The following NFIA variants were observed in gnomAD, a reference collection of about 807,000 sequenced individuals.
NFIA encodes the protein nuclear factor 1 A-type.
In NFIA, 8 loss-of-function variants were observed where a neutral mutation model predicts 62.8. The observed-to-expected ratio is 0.13, with a 90% CI of 0.07 to 0.23. The LOEUF is 0.23. Among genes scored for constraint, NFIA ranks in the 10% least tolerant of loss-of-function variants. The pLI, the probability that NFIA is intolerant of heterozygous loss-of-function variation, is 1.00. For missense variants in NFIA, 410 were observed against 642.1 expected (o/e 0.64, Z 3.91); for synonymous variants, 235 against 238.1 (o/e 0.99, Z 0.12).
chr1:61,355,453 C>T (rs1662888333), intron 5 of NFIA, among the ~76,000 whole-genome samples: 1 of 152,142 alleles, frequency 6.6e-6, no homozygotes, highest in African/African-American at 2.4e-5. Context: ...TTCCAAAAAA[C>T]TTTATCAAGA....
chr1:61,351,955 G>C (rs566291656), intron 4 of NFIA, among the ~76,000 whole-genome samples: 16 of 152,344 alleles, frequency 1.1e-4, no homozygotes, highest in Admixed American at 9.8e-4. Flanking sequence ...ATGCAAGATG[G>C]AGAGGTGATT....
chr1:61,091,895 T>A (rs1646327331), intron 2 of NFIA, among the ~76,000 whole-genome samples: 1 of 151,730 alleles, frequency 6.6e-6, no homozygotes, highest in Non-Finnish European at 1.5e-5. Flanking sequence ...GGTAATGTAA[T>A]CAGATTCTAG....
intron 2 of NFIA, among the ~76,000 whole-genome samples, chr1:61,263,989 TA>T (rs967219360): frequency 1.4e-3 from 201 of 143,868 alleles, no homozygotes; most frequent in East Asian, 0.01. Flanking sequence ...GACTCTGACT[TA>T]AAAAAAAAAA....
intron 3 of NFIA, among the ~76,000 whole-genome samples, chr1:61,306,029 TTTA>T: frequency 6.7e-6 from 1 of 150,264 alleles, no homozygotes; most frequent in Non-Finnish European, 1.5e-5. Flanking sequence ...TGTTGTATTT[TTTA>T]TTAGAGACAG....
chr1:61,231,673 TAGC>T (rs1654676954), intron 2 of NFIA, among the ~76,000 whole-genome samples: 1 of 152,120 alleles, frequency 6.6e-6, no homozygotes, highest in Non-Finnish European at 1.5e-5. Flanking sequence ...AGATTAAAAA[TAGC>T]AGTCTAAGCT....
At chr1:61,182,283 T>C (rs1650809195) in intron 2 of NFIA, among the ~76,000 whole-genome samples, 1 of 152,192 alleles carries the variant, frequency 6.6e-6, no homozygotes. Flanking sequence ...TGTGATCCCC[T>C]TGCACATGAT....
At position 61,082,810 on chromosome 1, in the gene NFIA, C is replaced by G; in HGVS notation, c.19C>G (p.Leu7Val). The change falls in exon 1 of 11, where the codon CTC (leucine) becomes GTC (valine). Residue 7 changes from leucine to valine, a missense_variant. Leu to Val is a conservative substitution (Grantham distance 32). This residue lies in a region of NFIA where 86 missense variants were observed against 124.6 expected (regional missense o/e 0.69). Coordinates refer to ENST00000403491, the MANE Select transcript of NFIA (RefSeq NM_001134673.4). MYSPLC[L>V]TQDEFHPFIE... ...GGCAGTTATGTATTCTCCGCTCTGT[C>G]TCACCCAGGTAAGCCGCGGCGTGGA... is the stretch of plus-strand genomic sequence containing the variant. The G allele has an allele frequency of 6.4e-7, 1 of 1,550,720 alleles. No homozygotes were observed. The highest frequency in any genetic ancestry group is 8.7e-7 in the Non-Finnish European group (1 of 1,146,522).
intron 2 of NFIA, among the ~76,000 whole-genome samples, chr1:61,275,106 G>A (rs1378098685): frequency 1.3e-5 from 2 of 152,066 alleles, no homozygotes; most frequent in South Asian, 2.1e-4. Flanking sequence ...ATTAAATTCC[G>A]TTTTCAGTTT....
In NFIA at chr1:61,288,635, G is replaced by C. The variant is rs951569786; in HGVS notation, c.625+11050G>C. Among the ~76,000 whole-genome samples the C allele has an allele frequency of 7.9e-5, 12 of 152,280 alleles. No homozygotes were observed. In the South Asian group the frequency reaches 2.5e-3, roughly 32 times the overall value. ...AGTTTGGGTCCTCCAAGAATAATAT[G>C]TCCTGATAGGACAAGAGATTTATTG... is the stretch of plus-strand genomic sequence containing the variant. On this transcript the variant is annotated intron_variant, in intron 3 of 10. Transcript: ENST00000403491.
chr1:61,421,645 C>T (rs979383571), intron 9 of NFIA, among the ~76,000 whole-genome samples: 3 of 152,152 alleles, frequency 2.0e-5, no homozygotes, highest in Non-Finnish European at 4.4e-5. Context: ...CTCCTAGCTG[C>T]GGCCAGAGGA....
chr1:61,122,949 C>T (rs554078863), intron 2 of NFIA, among the ~76,000 whole-genome samples: 30 of 152,290 alleles, frequency 2.0e-4, no homozygotes, highest in Admixed American at 1.8e-3. Flanking sequence ...CATTTCTACT[C>T]AGTACGTATG....
At chr1:61,200,376 G>A (rs1192610179) in intron 2 of NFIA, among the ~76,000 whole-genome samples, 5 of 151,778 alleles carry the variant, frequency 3.3e-5, no homozygotes, top group African/African-American at 1.2e-4. Context: ...TTAGAGGTTA[G>A]CTAAAATTAA....
chr1:61,398,912 A>G (rs568078521), intron 7 of NFIA, among the ~76,000 whole-genome samples: 2 of 152,362 alleles, frequency 1.3e-5, no homozygotes, highest in South Asian at 2.1e-4. Context: ...TGAAGAAGCA[A>G]GATACATAGT....
At chr1:61,264,582 C>T (rs551079121) in intron 2 of NFIA, among the ~76,000 whole-genome samples, 2 of 136,538 alleles carry the variant, frequency 1.5e-5, no homozygotes, top group African/African-American at 5.6e-5. Context: ...ACCCGGAAGG[C>T]GAAGGTTGCA....
chr1:61,392,552 CTTGGGT>C (rs947353234), intron 7 of NFIA, among the ~76,000 whole-genome samples: 1 of 151,872 alleles, frequency 6.6e-6, no homozygotes, highest in African/African-American at 2.4e-5. Context: ...GGCTGCTCAG[CTTGGGT>C]TTGTGTAACG....
At chr1:61,136,044 G>A (rs1332773991) in intron 2 of NFIA, among the ~76,000 whole-genome samples, 3 of 152,228 alleles carry the variant, frequency 2.0e-5, no homozygotes, top group Admixed American at 6.5e-5. Flanking sequence ...TTGAACTCAC[G>A]AGATATACTA....
At chr1:61,349,427 C>T (rs1662427945) in intron 4 of NFIA, among the ~76,000 whole-genome samples, 1 of 152,186 alleles carries the variant, frequency 6.6e-6, no homozygotes, top group Admixed American at 6.5e-5. Context: ...TTTATTTCCT[C>T]ATACCGTCCC....
At chr1:61,306,312 T>TGTCATCCA in intron 3 of NFIA, among the ~76,000 whole-genome samples, 1 of 133,036 alleles carries the variant, frequency 7.5e-6, no homozygotes, top group Admixed American at 8.5e-5. Flanking sequence ...AGTCTCACTC[T>TGTCATCCA]GTCATCCAGG....
intron 2 of NFIA, among the ~76,000 whole-genome samples, chr1:61,274,946 G>A (rs765634253): frequency 4.6e-5 from 7 of 152,254 alleles, no homozygotes; most frequent in South Asian, 2.1e-4. Flanking sequence ...TTGAACGGCC[G>A]AGGGTAGAAA....
Sources: gnomAD v4.1 joint callset for allele counts (sites outside exome capture counted in the v4.1 genomes callset) on GRCh38, gnomAD v4.1.1 for gene constraint, gnomAD v4.1.1 regional missense constraint, MANE v1.5 for transcripts, NCBI Gene and HGNC (gene_info 2026-07-23, HGNC 2026-07-21) for gene names.